FGF14: variants seen among roughly 807,000 people sequenced by gnomAD.
The protein encoded by FGF14 is fibroblast growth factor homologous factor 4.
Under a neutral mutation model 25.5 loss-of-function variants are expected in FGF14, and 5 were observed. The observed-to-expected ratio is 0.20, with a 90% CI of 0.10 to 0.41. FGF14 has a LOEUF of 0.41. FGF14 is among the 10% of genes least tolerant of loss of function. The pLI, the probability that FGF14 is intolerant of heterozygous loss-of-function variation, is 1.00. For synonymous variants in FGF14, 138 were observed against 118.3 expected (o/e 1.17, Z -1.08); for missense variants, 222 against 320.1 (o/e 0.69, Z 2.34).
chr13:102,067,279 C>T (rs1224715299), intron 1 of FGF14, among the ~76,000 whole-genome samples: 1 of 152,072 alleles, frequency 6.6e-6, no homozygotes, highest in Non-Finnish European at 1.5e-5. Context: ...TGTAAATGAC[C>T]ACTCAGCTAC....
intron 1 of FGF14, among the ~76,000 whole-genome samples, chr13:102,058,608 C>T (rs964946786): frequency 2.6e-5 from 4 of 152,130 alleles, no homozygotes; most frequent in Non-Finnish European, 5.9e-5. Context: ...ATATTCTCCC[C>T]ATCACTATTA....
At chr13:102,106,856 T>C (rs1274390419) in intron 1 of FGF14, among the ~76,000 whole-genome samples, 3 of 152,226 alleles carry the variant, frequency 2.0e-5, no homozygotes, top group African/African-American at 7.2e-5. Flanking sequence ...GTTAACTGCA[T>C]ACTCATTTCA....
intron 1 of FGF14, among the ~76,000 whole-genome samples, chr13:101,896,116 CAA>C (rs1443724664): frequency 6.6e-6 from 1 of 152,172 alleles, no homozygotes. Context: ...TACCCATTTG[CAA>C]AGTTTGCTAG....
At chr13:102,139,840 C>T (rs1011665199) in intron 1 of FGF14, among the ~76,000 whole-genome samples, 1 of 152,220 alleles carries the variant, frequency 6.6e-6, no homozygotes, top group Non-Finnish European at 1.5e-5. Context: ...CACTCAACCC[C>T]TCCCCTGCCA....
chr13:102,161,718 GAAGAAGAAT>G (rs1346357180), intron 1 of FGF14, among the ~76,000 whole-genome samples: 5 of 149,546 alleles, frequency 3.3e-5, no homozygotes, highest in South Asian at 2.1e-4. Context: ...AGAAGAAGAA[GAAGAAGAAT>G]AGAAATGTGT....
At chr13:101,822,744 C>G (rs1041291649) in intron 3 of FGF14, among the ~76,000 whole-genome samples, 1 of 152,082 alleles carries the variant, frequency 6.6e-6, no homozygotes, top group Non-Finnish European at 1.5e-5. Context: ...ATTTCAAATC[C>G]ACTCTTCTAG....
intron 1 of FGF14, among the ~76,000 whole-genome samples, chr13:102,202,097 C>T (rs1012824921): frequency 1.3e-5 from 2 of 152,152 alleles, no homozygotes; most frequent in Non-Finnish European, 2.9e-5. Flanking sequence ...CCTCCCCCTT[C>T]GCCTTCACCG....
intron 1 of FGF14, among the ~76,000 whole-genome samples, chr13:102,247,903 A>G (rs576229724): frequency 6.6e-6 from 1 of 152,160 alleles, no homozygotes; most frequent in Admixed American, 6.6e-5. Context: ...GGGATACTAC[A>G]CAGCCATAAA....
At chr13:102,352,922 A>T (rs2057329818) in intron 1 of FGF14, among the ~76,000 whole-genome samples, 1 of 152,038 alleles carries the variant, frequency 6.6e-6, no homozygotes, top group East Asian at 1.9e-4. Context: ...AGACTGCTCT[A>T]ATTCTCACTC....
At chr13:101,839,454 C>A (rs2043094058) in intron 3 of FGF14, among the ~76,000 whole-genome samples, 1 of 151,934 alleles carries the variant, frequency 6.6e-6, no homozygotes, top group Admixed American at 6.6e-5. Context: ...TACCAGTGCT[C>A]CTGGCTTAAT....
At chr13:102,199,428 T>A in intron 1 of FGF14, among the ~76,000 whole-genome samples, 1 of 152,214 alleles carries the variant, frequency 6.6e-6, no homozygotes, top group East Asian at 1.9e-4. Flanking sequence ...TATGGATTAT[T>A]TGTCTTCAGA....
chr13:102,197,980 C>G lies in FGF14; in HGVS notation c.208+203491G>C, dbSNP rs947392749. ...GTAGAAATAGCCTCAGAAATCATGG[C>G]GAAGCAACACTTTTCTTTTTTCACT... On this transcript the variant is annotated intron_variant, in intron 1 of 4. Transcript: ENST00000376131. Among the ~76,000 whole-genome samples the G allele has an allele frequency of 3.9e-5, 6 of 152,278 alleles. No homozygotes were observed. In the South Asian group the frequency reaches 8.3e-4, roughly 21 times the overall value.
intron 1 of FGF14, among the ~76,000 whole-genome samples, chr13:102,167,326 A>AG (rs1555370829): frequency 3.3e-4 from 49 of 146,982 alleles, no homozygotes; most frequent in Admixed American, 4.8e-4. Flanking sequence ...AAAAAAAAAA[A>AG]AAAAAAAAGG....
rs1566803395 is a variant in FGF14, at chr13:101,711,800, G to C, written c.*11031C>G. On this transcript the variant is annotated 3_prime_UTR_variant, in exon 5 of 5. Transcript: ENST00000376143. ...GCAAAAATGCACAGAAGGGAGATGG[G>C]AACATTCTCAAGGGTCCTTATATTG... is the stretch of plus-strand genomic sequence containing the variant. 1 of 152,212 alleles carries C rather than the reference G, an allele frequency of 6.6e-6. No individual in the cohort carries two copies. Among genetic ancestry groups the C allele is most frequent in the Non-Finnish European group, 1.5e-5 (1 of 68,068 alleles). The allele number at this position is 152,212 out of a possible 1,614,324, so 9.4% of individuals were successfully genotyped here.
At chr13:102,344,768 G>C (rs1004358606) in intron 1 of FGF14, among the ~76,000 whole-genome samples, 10 of 152,244 alleles carry the variant, frequency 6.6e-5, no homozygotes, top group African/African-American at 2.4e-4. Context: ...AGAAGACTTA[G>C]AGTTTGACAC....
intron 1 of FGF14, among the ~76,000 whole-genome samples, chr13:102,218,126 C>G (rs553340802): frequency 1.3e-4 from 20 of 152,248 alleles, no homozygotes; most frequent in Non-Finnish European, 2.6e-4. Flanking sequence ...TTGCCCAACT[C>G]TGCAAATGCA....
intron 1 of FGF14, among the ~76,000 whole-genome samples, chr13:102,166,206 A>G (rs911130803): frequency 2.6e-5 from 4 of 151,636 alleles, no homozygotes; most frequent in African/African-American, 4.9e-5. Context: ...AAGAAAAAAG[A>G]AAGAATACAG....
At chr13:101,926,403 C>T (rs1158162210) in intron 1 of FGF14, among the ~76,000 whole-genome samples, 1 of 152,204 alleles carries the variant, frequency 6.6e-6, no homozygotes, top group Non-Finnish European at 1.5e-5. Context: ...GGCTGCTTTA[C>T]TCCCCTGCTC....
At chr13:102,160,754 T>C (rs1026458282) in intron 1 of FGF14, among the ~76,000 whole-genome samples, 3 of 151,982 alleles carry the variant, frequency 2.0e-5, no homozygotes, top group South Asian at 2.1e-4. Context: ...ATTCCAGAGA[T>C]AGTAGGGCTT....
Sources: gnomAD v4.1 joint callset for allele counts (sites outside exome capture counted in the v4.1 genomes callset) on GRCh38, gnomAD v4.1.1 for gene constraint, MANE v1.5 for transcripts, NCBI Gene and HGNC (gene_info 2026-07-23, HGNC 2026-07-21) for gene names.